CHRM3: variants seen among roughly 807,000 people sequenced by gnomAD.
The protein encoded by CHRM3 is muscarinic acetylcholine receptor M3.
A neutral mutation model predicts 41.8 loss-of-function variants in CHRM3; 11 were observed. That is an observed-to-expected ratio of 0.26 (90% CI 0.17 to 0.44). The LOEUF (loss-of-function observed/expected upper bound fraction) is 0.44. Ranked by LOEUF, CHRM3 falls within the 20% of genes least tolerant of loss-of-function variation. The pLI is 1.00. For synonymous variants in CHRM3, 297 were observed against 301.4 expected, an observed-to-expected ratio of 0.99 and a Z score of 0.15; for missense variants, 571 against 745.4, an observed-to-expected ratio of 0.77 and a Z score of 2.72.
At chr1:239,397,102 A>G (rs1404478886) in intron 1 of CHRM3, among the ~76,000 whole-genome samples, 1 of 152,198 alleles carries the variant, frequency 6.6e-6, no homozygotes, top group Non-Finnish European at 1.5e-5. Context: ...TCCAAGCTAT[A>G]CTTATGTCTT....
chr1:239,830,399 A>C (rs1672797361), intron 6 of CHRM3, among the ~76,000 whole-genome samples: 1 of 152,228 alleles, frequency 6.6e-6, no homozygotes, highest in Non-Finnish European at 1.5e-5. Flanking sequence ...TCTGTGGAAC[A>C]CACATGGATA....
intron 5 of CHRM3, among the ~76,000 whole-genome samples, chr1:239,745,361 C>G (rs970620696): frequency 6.6e-6 from 1 of 151,898 alleles, no homozygotes; most frequent in Non-Finnish European, 1.5e-5. Context: ...CGTGTACCTA[C>G]CTGTTGAAAG....
At chr1:239,679,254 C>A (rs1658323804) in intron 5 of CHRM3, among the ~76,000 whole-genome samples, 1 of 152,060 alleles carries the variant, frequency 6.6e-6, no homozygotes. Flanking sequence ...CCCATAAATT[C>A]TATTTTCAAC....
At chr1:239,413,024 G>T (rs994012661) in intron 1 of CHRM3, among the ~76,000 whole-genome samples, 4 of 151,586 alleles carry the variant, frequency 2.6e-5, no homozygotes, top group African/African-American at 9.7e-5. Flanking sequence ...GTTACAGTGA[G>T]CCGAGATCCC....
chr1:239,644,773 A>G (rs1326148202), intron 4 of CHRM3, among the ~76,000 whole-genome samples: 1 of 152,196 alleles, frequency 6.6e-6, no homozygotes, highest in Non-Finnish European at 1.5e-5. Context: ...ATTTCTGACA[A>G]GCTTTCAGAT....
At chr1:239,640,612 T>A (rs1573073483) in intron 4 of CHRM3, among the ~76,000 whole-genome samples, 1 of 151,468 alleles carries the variant, frequency 6.6e-6, no homozygotes, top group Non-Finnish European at 1.5e-5. Flanking sequence ...AGTGGTGATA[T>A]CCCCTTTATC....
In CHRM3 at chr1:239,800,734, G is replaced by GT. The variant is rs376465772; in HGVS notation, c.-146-26517dup. ...GTGGGTGGGCTGGGGTTCCAGAGCC[G>GT]TGAGATGATCATAGTTCATTTTCCT... is the stretch of plus-strand genomic sequence containing the variant. On this transcript the variant is annotated intron_variant, in intron 5 of 6. Transcript: ENST00000676153. Among the ~76,000 whole-genome samples, 314 of 152,264 alleles carry GT rather than the reference G, an allele frequency of 2.1e-3. 1 individual carries two copies. The highest frequency in any genetic ancestry group is 6.8e-3 in the African/African-American group (282 of 41,542).
At chr1:239,865,810 ATAAATG>A (rs1483974329) in intron 6 of CHRM3, among the ~76,000 whole-genome samples, 1 of 152,204 alleles carries the variant, frequency 6.6e-6, no homozygotes, top group East Asian at 1.9e-4. Flanking sequence ...TATGGGAAGA[ATAAATG>A]TAAAGGAAAA....
chr1:239,630,648 G>A (rs764100748), intron 3 of CHRM3, among the ~76,000 whole-genome samples: 1 of 152,174 alleles, frequency 6.6e-6, no homozygotes, highest in African/African-American at 2.4e-5. Flanking sequence ...GAATGGGAGT[G>A]TTGATATAGT....
chr1:239,748,037 A>G lies in CHRM3; in HGVS notation c.-147+69749A>G, dbSNP rs1043804891. Among the ~76,000 whole-genome samples the G allele has an allele frequency of 2.0e-5, 3 of 152,208 alleles. No homozygotes were observed. The highest frequency in any genetic ancestry group is 7.2e-5 in the African/African-American group (3 of 41,450). ...ACGACAGGTGAGACTCTGTCTCAAA[A>G]AATAAACACTGATATTTAAAGGAAC... On this transcript the variant is annotated intron_variant, in intron 5 of 6. Transcript: ENST00000676153. The surrounding 1 kb of genome is among the most constrained non-coding windows in gnomAD (Gnocchi z 4.3).
At chr1:239,474,918 A>C (rs551088160) in intron 1 of CHRM3, among the ~76,000 whole-genome samples, 15 of 152,268 alleles carry the variant, frequency 9.9e-5, no homozygotes, top group Middle Eastern at 6.8e-3. Context: ...AAACAAAAAT[A>C]AATGAGACAG....
In CHRM3 at chr1:239,530,637, C is replaced by T. The variant is rs145932015; in HGVS notation, c.-421-15004C>T. Among the ~76,000 whole-genome samples the T allele has an allele frequency of 6.6e-3, 1,010 of 152,212 alleles. 14 individuals carry two copies. The highest frequency in any genetic ancestry group is 0.023 in the African/African-American group (942 of 41,532). On this transcript the variant is annotated intron_variant, in intron 2 of 6. Coordinates refer to ENST00000676153, the MANE Select transcript of CHRM3 (RefSeq NM_001375978.1). ...CTATGATTGAAGAATAAAGTATGTG[C>T]GTGATCCTTCACCAAATGGAGAATA...
At chr1:239,528,329 A>G (rs1358241461) in intron 2 of CHRM3, among the ~76,000 whole-genome samples, 1 of 152,172 alleles carries the variant, frequency 6.6e-6, no homozygotes, top group Non-Finnish European at 1.5e-5. Context: ...GAGACTTGGC[A>G]AATCTTGCTG....
At chr1:239,726,552 A>T (rs1663455573) in intron 5 of CHRM3, among the ~76,000 whole-genome samples, 1 of 151,928 alleles carries the variant, frequency 6.6e-6, no homozygotes, top group Admixed American at 6.6e-5. Context: ...AGGTAGTTGT[A>T]TCAGGTTTTG....
At chr1:239,587,249 CAG>C (rs533027472) in intron 3 of CHRM3, among the ~76,000 whole-genome samples, 38 of 152,342 alleles carry the variant, frequency 2.5e-4, no homozygotes, top group African/African-American at 9.1e-4. Flanking sequence ...GTACTTGCCA[CAG>C]AGAGACAGTA....
chr1:239,808,894 T>G (rs1227393224), intron 5 of CHRM3, among the ~76,000 whole-genome samples: 1 of 152,182 alleles, frequency 6.6e-6, no homozygotes, highest in Non-Finnish European at 1.5e-5. Context: ...TTCCTACTTG[T>G]AAAGTCTTGT....
chr1:239,696,081 C>T (rs1295350034), intron 5 of CHRM3, among the ~76,000 whole-genome samples: 1 of 152,120 alleles, frequency 6.6e-6, no homozygotes. Flanking sequence ...GGCTTGAAGT[C>T]GTAAGACATG....
At chr1:239,777,606 G>T (rs902880020) in intron 5 of CHRM3, among the ~76,000 whole-genome samples, 1 of 152,058 alleles carries the variant, frequency 6.6e-6, no homozygotes, top group Non-Finnish European at 1.5e-5. Context: ...AATTTGAGGT[G>T]GGGGGTGCAG....
intron 4 of CHRM3, among the ~76,000 whole-genome samples, chr1:239,657,729 GA>G (rs1275244718): frequency 6.6e-6 from 1 of 152,170 alleles, no homozygotes; most frequent in African/African-American, 2.4e-5. Flanking sequence ...GTATGGAGAG[GA>G]AAATCTTTGA....
Sources: allele counts gnomAD v4.1 joint callset (sites outside exome capture counted in the v4.1 genomes callset), GRCh38; gene constraint gnomAD v4.1.1; non-coding constraint Gnocchi (gnomAD v3.1); transcripts MANE v1.5; gene names NCBI Gene and HGNC (gene_info 2026-07-23, HGNC 2026-07-21).